Variants in LGMN observed in about 807,000 individuals in gnomAD.
LGMN encodes the protein asparaginyl endopeptidase.
In LGMN, 36 loss-of-function variants were observed where a neutral mutation model predicts 56.8. That is an observed-to-expected ratio of 0.63 (90% CI 0.49 to 0.84). The LOEUF (loss-of-function observed/expected upper bound fraction) is 0.84. Among genes scored for constraint, LGMN ranks in the 40% least tolerant of loss-of-function variants. LGMN has a pLI of 0.00. For synonymous variants in LGMN, 199 were observed against 210.1 expected (o/e 0.95, Z 0.46); for missense variants, 446 against 556.1 (o/e 0.80, Z 1.99).
chr14:92,729,806 C>A (rs1890955555), intron 2 of LGMN, among the ~76,000 whole-genome samples: 1 of 152,192 alleles, frequency 6.6e-6, no homozygotes, highest in African/African-American at 2.4e-5. Context: ...CAGAAGCAGC[C>A]CCTTGGCAGG....
chr14:92,746,094 T>C (rs1013142722), intron 1 of LGMN, among the ~76,000 whole-genome samples: 3 of 152,234 alleles, frequency 2.0e-5, no homozygotes, highest in African/African-American at 7.2e-5. Context: ...GTGCTGCGAT[T>C]ACAGGCACGA....
intron 2 of LGMN, among the ~76,000 whole-genome samples, chr14:92,721,078 G>A (rs986331678): frequency 1.3e-5 from 2 of 152,104 alleles, no homozygotes; most frequent in Non-Finnish European, 2.9e-5. Context: ...GTTCTGTAGA[G>A]TCAGGGTCTC....
At chr14:92,704,404 C>G in intron 13 of LGMN, 43 bp from the exon 14 acceptor site, 2 of 1,502,926 alleles carry the variant, frequency 1.3e-6, no homozygotes, top group Non-Finnish European at 1.8e-6. Context: ...CGTGTCAACT[C>G]TGAAGAAAGG....
At chr14:92,707,515 C>G (rs6575282) in intron 11 of LGMN, among the ~76,000 whole-genome samples, 98,886 of 152,074 alleles carry the variant, frequency 0.65, 32,303 homozygotes, top group East Asian at 0.79. Flanking sequence ...ACGGCGAAAG[C>G]AGAAGCCAGT....
chr14:92,706,521 G>A lies in LGMN; in HGVS notation c.1153C>T (p.His385Tyr). 1.3e-6 allele frequency: 2 copies of A among 1,585,356 alleles called. No individual in the cohort carries two copies. The highest frequency in any genetic ancestry group is 1.7e-6 in the Non-Finnish European group (2 of 1,157,800). Residue 385 changes from histidine to tyrosine, a missense_variant, in exon 12 of 14, where the codon CAC (histidine) becomes TAC (tyrosine). By Grantham distance (83) the His-to-Tyr change is moderately conservative. Coordinates refer to ENST00000334869, the MANE Select transcript of LGMN (RefSeq NM_005606.7). ...CAGTTGAAGCAGTGGGTCCGGAAGT[G>A]CAGCAGGGCCTCTGGGTAGCAGCTG... The part of the protein sequence containing the change: ...GHSCYPEALL[H>Y]FRTHCFNWHS...
At chr14:92,743,291 G>A (rs1266954323) in intron 1 of LGMN, among the ~76,000 whole-genome samples, 5 of 151,932 alleles carry the variant, frequency 3.3e-5, no homozygotes, top group Non-Finnish European at 7.4e-5. Context: ...CACGAGGTCA[G>A]GAGATCGAGA....
intron 2 of LGMN, among the ~76,000 whole-genome samples, chr14:92,729,835 G>A (rs1314482762): frequency 6.6e-6 from 1 of 152,196 alleles, no homozygotes; most frequent in African/African-American, 2.4e-5. Context: ...AGGCAGGGGT[G>A]AATCGGCACA....
chr14:92,712,173 TG>T (rs1889816876), intron 8 of LGMN, among the ~76,000 whole-genome samples: 1 of 152,234 alleles, frequency 6.6e-6, no homozygotes, highest in Admixed American at 6.5e-5. Flanking sequence ...AGCTGGTGGA[TG>T]TTTTTTGCAG....
chr14:92,711,568 C>A, intron 10 of LGMN, 91 bp downstream of exon 10: 1 of 1,173,020 alleles, frequency 8.5e-7, no homozygotes, highest in Non-Finnish European at 1.3e-6. Context: ...TCACTCAGAT[C>A]CCATGTCTCT....
chr14:92,738,263 A>C (rs565891701), intron 1 of LGMN, among the ~76,000 whole-genome samples: 8 of 151,968 alleles, frequency 5.3e-5, no homozygotes, highest in Non-Finnish European at 1.0e-4. Flanking sequence ...ACTGATACAG[A>C]AAATGACATT....
chr14:92,711,483 G>A (rs1279030485), intron 10 of LGMN, among the ~76,000 whole-genome samples, 176 bp downstream of exon 10: 1 of 152,174 alleles, frequency 6.6e-6, no homozygotes, highest in Non-Finnish European at 1.5e-5. Context: ...ACCTAGAAAG[G>A]TCTGATTCCA....
chr14:92,709,134 A>G (rs952165430), intron 11 of LGMN, among the ~76,000 whole-genome samples: 1 of 151,858 alleles, frequency 6.6e-6, no homozygotes, highest in African/African-American at 2.4e-5. Flanking sequence ...AGGCATGACT[A>G]TGTTTTTCTG....
intron 2 of LGMN, among the ~76,000 whole-genome samples, chr14:92,719,206 ACCACCGCCACCAACACCACCACCG>A (rs1890256068): frequency 8.5e-6 from 1 of 117,130 alleles, no homozygotes; most frequent in South Asian, 3.0e-4. Context: ...CACCAACACC[ACCACCGCCACCAACACCACCACCG>A]CCACCGCCAC....
chr14:92,708,856 CAAA>C lies in LGMN; in HGVS notation c.1020+813_1020+815del, dbSNP rs58813848. ...TGGCGACAGAGCAAGACTCTTGTCT[CAAA>C]AAAAAAAAAAAAAAAAAAAAAATCT... On this transcript the variant is annotated intron_variant, in intron 11 of 13. Transcript: ENST00000334869. Among the ~76,000 whole-genome samples, 543 of 71,610 alleles carry C rather than the reference CAAA, an allele frequency of 7.6e-3. 6 individuals are homozygous for C. Among genetic ancestry groups the C allele is most frequent in the Non-Finnish European group, 0.01 (373 of 35,952 alleles). 47.0% of individuals were successfully genotyped at this position (71,610 alleles called of 152,430 possible).
intron 2 of LGMN, among the ~76,000 whole-genome samples, chr14:92,719,403 C>T (rs180895319): frequency 3.3e-5 from 5 of 151,610 alleles, no homozygotes; most frequent in Non-Finnish European, 4.4e-5. Context: ...CCACCAACAC[C>T]GCCACCACTA....
chr14:92,744,883 C>T (rs543917077), intron 1 of LGMN, among the ~76,000 whole-genome samples: 10 of 152,212 alleles, frequency 6.6e-5, no homozygotes, highest in South Asian at 2.1e-4. Context: ...TGTGAGCCAC[C>T]GCGCCTGGCC....
In LGMN at chr14:92,713,807, C is replaced by T. The variant is rs530569638; in HGVS notation, c.543+16G>A. The T allele has an allele frequency of 1.2e-5, 20 of 1,603,212 alleles. 1 individual carries two copies. In the South Asian group the frequency reaches 1.9e-4, roughly 15 times the overall value. ...CACCCCCCGCCCCCACAAGGCTGCCCCAAGGGCTGAATTACCTTTCGGTAC... is the reference window on the plus strand; with the variant it reads ...CACCCCCCGCCCCCACAAGGCTGCCTCAAGGGCTGAATTACCTTTCGGTAC... On this transcript the variant is annotated intron_variant, in intron 7 of 13. Transcript: ENST00000334869.
At chr14:92,746,764 C>T (rs1891837227) in intron 1 of LGMN, among the ~76,000 whole-genome samples, 1 of 152,034 alleles carries the variant, frequency 6.6e-6, no homozygotes, top group African/African-American at 2.4e-5. Context: ...CAGCCGGGCG[C>T]GGTGGCTCAC....
At chr14:92,733,906 G>T (rs1053834623) in intron 1 of LGMN, 8 of 152,086 alleles carry the variant, frequency 5.3e-5, no homozygotes, top group Non-Finnish European at 1.2e-4. Flanking sequence ...CAGACAAAAT[G>T]TTAACAGTAG....
Sources: allele counts gnomAD v4.1 joint callset (sites outside exome capture counted in the v4.1 genomes callset), GRCh38; gene constraint gnomAD v4.1.1; transcripts MANE v1.5; gene names NCBI Gene and HGNC (gene_info 2026-07-23, HGNC 2026-07-21).